Variants in AP3B2 observed in about 807,000 individuals in gnomAD.
The protein encoded by AP3B2 is AP-3 complex subunit beta-2.
In AP3B2, 50 loss-of-function variants were observed where a neutral mutation model predicts 126.9. That is an observed-to-expected ratio of 0.39 (90% confidence interval 0.31 to 0.50). The LOEUF (loss-of-function observed/expected upper bound fraction) is 0.50, where lower values mean the gene tolerates loss of function less well. Ranked by LOEUF, AP3B2 falls within the 20% of genes least tolerant of loss-of-function variation. The pLI, the probability that AP3B2 is intolerant of heterozygous loss-of-function variation, is 0.79. For synonymous variants in AP3B2, 541 were observed against 565.0 expected (o/e 0.96, Z 0.60); for missense variants, 1,177 against 1,426.4 (o/e 0.83, Z 2.82).
At position 82,678,097 on chromosome 15, in the gene AP3B2, G is replaced by C; in HGVS notation, c.1245+8C>G. The stretch of plus-strand genomic sequence containing the variant: ...CCCAGGCCCTTCTGGCTGGGAGCTG[G>C]CCTGTACCTGGAATTCCCGTAGGAC... On this transcript the variant is annotated splice_region_variant and intron_variant, in intron 11 of 26. Coordinates refer to ENST00000535359, the MANE Select transcript of AP3B2 (RefSeq NM_001278512.2). 3 of 1,613,634 alleles carry C rather than the reference G, an allele frequency of 1.9e-6. No homozygotes were observed. The highest frequency in any genetic ancestry group is 2.5e-6 in the Non-Finnish European group (3 of 1,179,768).
At chr15:82,700,302 C>T (rs1042160857) in intron 1 of AP3B2, among the ~76,000 whole-genome samples, 15 of 151,666 alleles carry the variant, frequency 9.9e-5, no homozygotes, top group Admixed American at 8.6e-4. Flanking sequence ...CACCCTCCCC[C>T]GCAACCCCTG....
chr15:82,666,870 C>G lies in AP3B2; in HGVS notation c.1729G>C (p.Asp577His). The G allele has an allele frequency of 2.5e-6, 4 of 1,613,900 alleles. No individual in the cohort carries two copies. The highest frequency in any genetic ancestry group is 3.4e-6 in the Non-Finnish European group (4 of 1,179,870). The part of the protein sequence containing the change: ...AKYDQNYDIR[D>H]RARFTRQLIV... ...AGCTGCCGGGTGAAGCGCGCCCGGT[C>G]GCGAATATCATAGTTCTGGTCATAT... Residue 577 changes from aspartate (D) to histidine (H), a missense_variant, in exon 15 of 27, where the codon GAC (aspartate) becomes CAC (histidine). Transcript: ENST00000535359.
intron 14 of AP3B2, among the ~76,000 whole-genome samples, chr15:82,667,702 A>G (rs952762700): frequency 3.9e-5 from 6 of 152,218 alleles, no homozygotes; most frequent in African/African-American, 1.4e-4. Flanking sequence ...GCTCCACACT[A>G]GCTCATCTAA....
In AP3B2 at chr15:82,663,473, G is replaced by A. The variant is rs2047993794; in HGVS notation, c.2497+87C>T. The A allele has an allele frequency of 4.1e-6, 6 of 1,468,076 alleles. 1 individual carries two copies. The highest frequency in any genetic ancestry group is 4.7e-6 in the Non-Finnish European group (5 of 1,053,456). The allele number at this position is 1,468,076 out of a possible 1,614,324, so 90.9% of individuals were successfully genotyped here. On this transcript the variant is annotated intron_variant, in intron 21 of 26. Transcript: ENST00000535359. ...GCTCCCCTGCTCCCACAAGACCTGA[G>A]GAACCCGATCCAGAGTCCCTATGGG...
At chr15:82,692,360 G>C (rs1000465731) in intron 1 of AP3B2, 4 of 527,426 alleles carry the variant, frequency 7.6e-6, no homozygotes, top group South Asian at 5.1e-5. Flanking sequence ...GCCCAACATC[G>C]GCACCTCCCA....
At chr15:82,709,220 C>G (rs2151465778) in intron 1 of AP3B2, among the ~76,000 whole-genome samples, 1 of 152,270 alleles carries the variant, frequency 6.6e-6, no homozygotes, top group Middle Eastern at 3.4e-3. Context: ...AGTTCGCTGA[C>G]TCAGACCCCT....
chr15:82,681,689 C>T lies in AP3B2; in HGVS notation c.361-109G>A, dbSNP rs1371648930. The T allele has an allele frequency of 8.1e-7, 1 of 1,232,082 alleles. No homozygotes were observed. Among genetic ancestry groups the T allele is most frequent in the African/African-American group, 1.5e-5 (1 of 66,288 alleles). 76.3% of individuals were successfully genotyped at this position (1,232,082 alleles called of 1,614,324 possible). On this transcript the variant is annotated intron_variant, in intron 4 of 26. Transcript: ENST00000535359. The surrounding 1 kb of genome is among the most constrained non-coding windows in gnomAD (Gnocchi z 4.0). Reference sequence around the variant, plus strand: ...CCCAGCGACCACTAGCTCTTGCTTCCCTGCCGCTTGACTGGAGCCTGGATG... The same window carrying T: ...CCCAGCGACCACTAGCTCTTGCTTCTCTGCCGCTTGACTGGAGCCTGGATG...
chr15:82,663,102 C>A, intron 22 of AP3B2, 25 bp downstream of exon 22: 1 of 1,582,446 alleles, frequency 6.3e-7, no homozygotes, highest in Non-Finnish European at 8.6e-7. Context: ...TGCCCCAGCC[C>A]GGTCCCCTCC....
chr15:82,702,618 T>C (rs1287543213), intron 1 of AP3B2, among the ~76,000 whole-genome samples: 3 of 150,328 alleles, frequency 2.0e-5, no homozygotes, highest in African/African-American at 7.3e-5. Flanking sequence ...TTGACTGTAA[T>C]TGTCCACTAC....
rs1381219558 is a variant in AP3B2, at chr15:82,688,717, G to C, written c.360+19C>G. On this transcript the variant is annotated intron_variant, in intron 4 of 26. Transcript: ENST00000535359. ...GCCAACGAGGCCCAGGCCCTGGGAG[G>C]CAAACTGAGACCCCTGACCTTTAGG... 3.8e-6 allele frequency: 6 copies of C among 1,599,058 alleles called. No homozygotes were observed. The highest frequency in any genetic ancestry group is 5.1e-6 in the Non-Finnish European group (6 of 1,172,294).
In AP3B2 at chr15:82,664,017, C is replaced by T; in HGVS notation, c.2262-42G>A. The T allele has an allele frequency of 1.9e-6, 3 of 1,573,216 alleles. No individual in the cohort carries two copies. The highest frequency in any genetic ancestry group is 2.6e-6 in the Non-Finnish European group (3 of 1,164,294). ...GGTTGGCTCAGGCCTGGCCTGGACA[C>T]TCCCTCCTTGCTTCACAGAAGCAGG... On this transcript the variant is annotated intron_variant, in intron 19 of 26. Transcript: ENST00000535359. The surrounding 1 kb of genome is among the most constrained non-coding windows in gnomAD (Gnocchi z 4.5).
At chr15:82,684,691 A>T (rs550358465) in intron 4 of AP3B2, among the ~76,000 whole-genome samples, 5 of 152,206 alleles carry the variant, frequency 3.3e-5, no homozygotes, top group East Asian at 1.9e-4. Flanking sequence ...ACTTAAAAAA[A>T]TTTTTTATAG....
At chr15:82,695,095 C>CT (rs747831776) in intron 1 of AP3B2, among the ~76,000 whole-genome samples, 2,945 of 134,760 alleles carry the variant, frequency 0.022, 63 homozygotes, top group African/African-American at 0.042. Flanking sequence ...TTCTTTCTTT[C>CT]TTTTTTTTTT....
intron 1 of AP3B2, among the ~76,000 whole-genome samples, chr15:82,703,865 C>G (rs1228853787): frequency 6.6e-6 from 1 of 152,116 alleles, no homozygotes; most frequent in Non-Finnish European, 1.5e-5. Context: ...CATCTGACCT[C>G]TCACCTAATC....
chr15:82,692,211 C>A (rs1432587555), intron 1 of AP3B2: 40 of 1,271,550 alleles, frequency 3.1e-5, no homozygotes, highest in Non-Finnish European at 4.1e-5. Flanking sequence ...GTCCTCAAAG[C>A]GCACCAAGGC....
At chr15:82,708,008 A>C (rs961590249) in intron 1 of AP3B2, among the ~76,000 whole-genome samples, 2 of 152,112 alleles carry the variant, frequency 1.3e-5, no homozygotes, top group African/African-American at 2.4e-5. Context: ...TTTTCTTATT[A>C]ATAAAAGAAG....
At chr15:82,666,488 GAGCCTGAGAGGA>G (rs1014151843) in intron 15 of AP3B2, among the ~76,000 whole-genome samples, 1 of 152,226 alleles carries the variant, frequency 6.6e-6, no homozygotes, top group Non-Finnish European at 1.5e-5. Context: ...ATGGAAAAGG[GAGCCTGAGAGGA>G]GAGGAGGCAC....
chr15:82,688,310 A>G, intron 4 of AP3B2: 1 of 642,594 alleles, frequency 1.6e-6, no homozygotes, highest in East Asian at 2.7e-5. Context: ...GGGCAAAATG[A>G]AACAAAAGGT....
intron 4 of AP3B2, chr15:82,687,101 T>C (rs183798292): frequency 1.3e-5 from 2 of 152,346 alleles, no homozygotes; most frequent in East Asian, 3.9e-4. Flanking sequence ...ATAGTGGTAG[T>C]TGTCTTGAGA....
Sources: allele counts gnomAD v4.1 joint callset (sites outside exome capture counted in the v4.1 genomes callset), GRCh38; gene constraint gnomAD v4.1.1; non-coding constraint Gnocchi (gnomAD v3.1); transcripts MANE v1.5; gene names NCBI Gene and HGNC (gene_info 2026-07-23, HGNC 2026-07-21).